The following AKAP9 variants were observed in gnomAD, a reference collection of about 807,000 sequenced individuals.
AKAP9 encodes the protein A-kinase anchor protein 9.
A neutral mutation model predicts 488.5 loss-of-function variants in AKAP9; 311 were observed. The ratio of observed to expected loss-of-function variants is 0.64; its 90% confidence interval spans 0.58 to 0.70. The LOEUF is 0.70. AKAP9 is among the 30% of genes least tolerant of loss of function. The pLI is 0.00. For synonymous variants in AKAP9, 1,462 were observed against 1,483.5 expected, an observed-to-expected ratio of 0.99 and a Z score of 0.33; for missense variants, 4,215 against 4,374.5, an observed-to-expected ratio of 0.96 and a Z score of 1.03.
At chr7:92,093,053 G>A (rs1420438907) in intron 38 of AKAP9, 44 bp from the exon 39 acceptor site, 1 of 1,498,584 alleles carries the variant, frequency 6.7e-7, no homozygotes, top group African/African-American at 1.4e-5. Flanking sequence ...AACCAAATAT[G>A]AGTTGCTTGA....
chr7:92,068,234 C>T (rs1264974516), intron 26 of AKAP9, among the ~76,000 whole-genome samples: 40 of 151,300 alleles, frequency 2.6e-4, no homozygotes, highest in Admixed American at 2.0e-3. Context: ...GGCGTGGTGG[C>T]GGGCACCTGT....
intron 28 of AKAP9, among the ~76,000 whole-genome samples, chr7:92,071,509 A>G (rs1289176350): frequency 6.6e-6 from 1 of 152,100 alleles, no homozygotes; most frequent in Non-Finnish European, 1.5e-5. Flanking sequence ...CAATTAAGCA[A>G]TTATATAAAG....
At chr7:92,085,074 CTA>C in intron 35 of AKAP9, 134 bp downstream of exon 35, 1 of 975,776 alleles carries the variant, frequency 1.0e-6, no homozygotes, top group South Asian at 1.4e-5. Flanking sequence ...TCTGAGAGAT[CTA>C]TTTTATTTCC....
At chr7:92,057,948 T>C in intron 22 of AKAP9, 1 of 233,666 alleles carries the variant, frequency 4.3e-6, no homozygotes, top group Non-Finnish European at 8.5e-6. Flanking sequence ...TCAAGATTGA[T>C]AGAGACCTAA....
At position 92,084,812 on chromosome 7, in the gene AKAP9, A is replaced by G; in HGVS notation, c.8711-7A>G. 1 of 1,610,002 alleles carries G rather than the reference A, an allele frequency of 6.2e-7. No homozygotes were observed. Among genetic ancestry groups the G allele is most frequent in the Non-Finnish European group, 8.5e-7 (1 of 1,178,364 alleles). On this transcript the variant is annotated splice_polypyrimidine_tract_variant and splice_region_variant and intron_variant, in intron 34 of 49. Coordinates refer to ENST00000356239, the MANE Select transcript of AKAP9 (RefSeq NM_005751.5). ...TTTTTAACAGCAAATTATTTTCTTT[A>G]TTTTAGATTCTGGATCAGACTGGGG...
At chr7:92,097,972 T>C in intron 42 of AKAP9, 137 bp from the exon 43 acceptor site, 1 of 862,270 alleles carries the variant, frequency 1.2e-6, no homozygotes, top group Non-Finnish European at 1.9e-6. Flanking sequence ...ATCTAACACT[T>C]TGACCCAGGG....
intron 1 of AKAP9, among the ~76,000 whole-genome samples, chr7:91,969,624 C>A (rs1016364049): frequency 1.3e-5 from 2 of 152,056 alleles, no homozygotes; most frequent in Admixed American, 1.3e-4. Flanking sequence ...TAGTTATATC[C>A]GCTTGCTAAA....
At chr7:92,098,651 G>C (rs1055203851) in intron 43 of AKAP9, among the ~76,000 whole-genome samples, 1 of 152,152 alleles carries the variant, frequency 6.6e-6, no homozygotes, top group Non-Finnish European at 1.5e-5. Context: ...TGTCATGTCA[G>C]TATTCTAGCA....
intron 14 of AKAP9, 99 bp from the exon 15 acceptor site, chr7:92,029,796 C>G (rs1803920036): frequency 1.0e-6 from 1 of 964,370 alleles, no homozygotes; most frequent in African/African-American, 1.6e-5. Flanking sequence ...TTTTTGTCTC[C>G]CATGCCCCAG....
chr7:92,070,333 T>G, intron 27 of AKAP9, 127 bp downstream of exon 27: 1 of 1,073,772 alleles, frequency 9.3e-7, no homozygotes, highest in Non-Finnish European at 1.4e-6. Context: ...CCATTTCTGT[T>G]TGTTCTTATT....
chr7:92,074,917 G>A (rs80229612), intron 28 of AKAP9, among the ~76,000 whole-genome samples: 8 of 152,062 alleles, frequency 5.3e-5, no homozygotes, highest in South Asian at 4.2e-4. Flanking sequence ...TGTAGATGAC[G>A]GATTGATGGG....
At chr7:92,040,122 A>G (rs1805825502) in intron 17 of AKAP9, among the ~76,000 whole-genome samples, 1 of 152,246 alleles carries the variant, frequency 6.6e-6, no homozygotes, top group Non-Finnish European at 1.5e-5. Context: ...CTCGTAGAAC[A>G]TATTAAGGAG....
chr7:91,992,283 C>T (rs1797848273), intron 4 of AKAP9, 72 bp downstream of exon 4: 3 of 1,131,196 alleles, frequency 2.7e-6, no homozygotes, highest in Non-Finnish European at 2.7e-6. Context: ...ACTAACAAAA[C>T]TTTTTCCTGC....
Position 92,099,830 on chromosome 7 carries a change from G to T in AKAP9, c.10857G>T (p.Gln3619His). ...LRNMVMKLEE[Q>H]IRWYRQTGAG... ...ACATGGTTATGAAGCTGGAAGAGCAGATCAGGTGGTATCGACAGACAGGAG... is the reference window on the plus strand; with the variant it reads ...ACATGGTTATGAAGCTGGAAGAGCATATCAGGTGGTATCGACAGACAGGAG... The change falls in exon 44 of 50, where the codon CAG (glutamine) becomes CAT (histidine). Residue 3619 changes from glutamine to histidine, a missense_variant. By Grantham distance (24) the Gln-to-His change is conservative. Coordinates refer to ENST00000356239, the MANE Select transcript of AKAP9 (RefSeq NM_005751.5). 1 of 1,614,074 alleles carries T rather than the reference G, an allele frequency of 6.2e-7. No homozygotes were observed. The highest frequency in any genetic ancestry group is 8.5e-7 in the Non-Finnish European group (1 of 1,179,970).
intron 1 of AKAP9, among the ~76,000 whole-genome samples, chr7:91,958,496 T>G (rs966284672): frequency 6.6e-6 from 1 of 152,190 alleles, no homozygotes; most frequent in Admixed American, 6.5e-5. Flanking sequence ...CTGAGATGAC[T>G]GTAAAATGAA....
intron 12 of AKAP9, 142 bp from the exon 13 acceptor site, chr7:92,022,096 G>A: frequency 1.4e-6 from 1 of 698,014 alleles, no homozygotes; most frequent in South Asian, 1.6e-5. Flanking sequence ...GAATAACTTA[G>A]AAGGGAAAAT....
chr7:92,083,672 A>G lies in AKAP9; in HGVS notation c.8646+17A>G. The G allele has an allele frequency of 6.2e-7, 1 of 1,608,750 alleles. No individual in the cohort carries two copies. The highest frequency in any genetic ancestry group is 8.5e-7 in the Non-Finnish European group (1 of 1,178,870). ...AGTAAAGAGGTATTTGGTTTTTATA[A>G]TATGTGTTTTTCAACATTGTGTGGT... On this transcript the variant is annotated intron_variant, in intron 33 of 49. Transcript: ENST00000356239.
chr7:91,997,075 A>T (rs1363548913), intron 7 of AKAP9, among the ~76,000 whole-genome samples: 1 of 152,238 alleles, frequency 6.6e-6, no homozygotes, highest in Non-Finnish European at 1.5e-5. Flanking sequence ...CTGCTTTTAA[A>T]TAATAGGGAA....
rs142834372 is a variant in AKAP9, at chr7:92,002,962, A to G, written c.3045A>G (p.Gln1015=). 3 of 1,613,314 alleles carry G rather than the reference A, an allele frequency of 1.9e-6. No individual in the cohort carries two copies. The highest frequency in any genetic ancestry group is 2.5e-6 in the Non-Finnish European group (3 of 1,179,604). The change falls in exon 8 of 50, where the codon CAA becomes CAG. Residue 1015 remains glutamine, a synonymous_variant. Transcript: ENST00000356239. ...RAENVQSCDT[Q]VSSLLDGVVT... is the part of the protein sequence containing the mutation. ...AAAATGTACAGTCATGTGATACTCAAGTAAGCTCTTTATTAGATGGAGTTG... is the reference window on the plus strand; with the variant it reads ...AAAATGTACAGTCATGTGATACTCAGGTAAGCTCTTTATTAGATGGAGTTG...
Sources: allele counts gnomAD v4.1 joint callset (sites outside exome capture counted in the v4.1 genomes callset), GRCh38; gene constraint gnomAD v4.1.1; transcripts MANE v1.5; gene names NCBI Gene and HGNC (gene_info 2026-07-23, HGNC 2026-07-21).